KCNJ3: variants seen among roughly 807,000 people sequenced by gnomAD.
The protein encoded by KCNJ3 is potassium inwardly rectifying channel subfamily J member 3.
KCNJ3 carries 4 observed loss-of-function variants against 39.2 expected under a neutral mutation model. That is an observed-to-expected ratio of 0.10 (90% CI 0.05 to 0.23). KCNJ3 has a LOEUF of 0.23. Ranked by LOEUF, KCNJ3 falls within the 10% of genes least tolerant of loss-of-function variation. The pLI, the probability that KCNJ3 is intolerant of heterozygous loss-of-function variation, is 1.00. For missense variants in KCNJ3, 276 were observed against 634.9 expected, an observed-to-expected ratio of 0.43 and a Z score of 6.08; for synonymous variants, 230 against 237.4, an observed-to-expected ratio of 0.97 and a Z score of 0.29.
intron 2 of KCNJ3, among the ~76,000 whole-genome samples, chr2:154,715,901 A>C (rs1031176621): frequency 2.6e-5 from 4 of 152,136 alleles, no homozygotes; most frequent in African/African-American, 9.7e-5. Flanking sequence ...AAGGTTAAAT[A>C]CTATTATAGG....
chr2:154,848,569 T>G (rs1426790009), intron 2 of KCNJ3, among the ~76,000 whole-genome samples: 4 of 152,194 alleles, frequency 2.6e-5, no homozygotes, highest in Non-Finnish European at 5.9e-5. Flanking sequence ...TTTCCCATAC[T>G]TTTTCCACAT....
intron 2 of KCNJ3, among the ~76,000 whole-genome samples, chr2:154,834,855 T>C (rs989720319): frequency 2.7e-5 from 4 of 147,364 alleles, no homozygotes; most frequent in African/African-American, 9.8e-5. Context: ...TACATCATAA[T>C]AACATACTTA....
intron 2 of KCNJ3, among the ~76,000 whole-genome samples, chr2:154,796,022 C>T (rs566535289): frequency 9.2e-5 from 14 of 152,206 alleles, no homozygotes; most frequent in African/African-American, 2.9e-4. Flanking sequence ...TTTCCCCCTA[C>T]TAGATTGCAA....
intron 2 of KCNJ3, among the ~76,000 whole-genome samples, chr2:154,777,033 C>T (rs986927456): frequency 5.3e-5 from 7 of 131,462 alleles, no homozygotes; most frequent in East Asian, 3.9e-4. Context: ...AGTTTTCACA[C>T]GTACACACGC....
At position 154,736,374 on chromosome 2, in the gene KCNJ3, T is replaced by TAAA. The variant is rs70983745; in HGVS notation, c.919+26593_919+26595dup. Among the ~76,000 whole-genome samples, 84 of 93,152 alleles carry TAAA rather than the reference T, an allele frequency of 9.0e-4. 3 individuals are homozygous for TAAA. Among genetic ancestry groups the TAAA allele is most frequent in the Admixed American group, 4.7e-3 (36 of 7,616 alleles). The allele number at this position is 93,152 out of a possible 152,430, so 61.1% of individuals were successfully genotyped here. On this transcript the variant is annotated intron_variant, in intron 2 of 2. Coordinates refer to ENST00000295101, the MANE Select transcript of KCNJ3 (RefSeq NM_002239.4). ...AGAGAGTGACAGGAGTCACTAGTTC[T>TAAA]AAAAAAAAAAAAAAAAAAAAAAAAA...
intron 2 of KCNJ3, among the ~76,000 whole-genome samples, chr2:154,726,935 A>G (rs936705953): frequency 2.6e-5 from 4 of 151,898 alleles, no homozygotes; most frequent in African/African-American, 9.7e-5. Flanking sequence ...ACCAAATATC[A>G]TATGTTTTTA....
intron 2 of KCNJ3, among the ~76,000 whole-genome samples, chr2:154,805,486 G>T (rs544505539): frequency 6.6e-6 from 1 of 152,242 alleles, no homozygotes; most frequent in Non-Finnish European, 1.5e-5. Flanking sequence ...GAATGGTAGT[G>T]CAGGGATAAT....
At position 154,699,524 on chromosome 2, in the gene KCNJ3, A is replaced by G. The variant is rs1373527874; in HGVS notation, c.702+47A>G. On this transcript the variant is annotated intron_variant, in intron 1 of 2. Coordinates refer to ENST00000295101, the MANE Select transcript of KCNJ3 (RefSeq NM_002239.4). The surrounding 1 kb of genome is among the most constrained non-coding windows in gnomAD (Gnocchi z 6.4). ...CCCACCGGGAGACCTGCGTCCCCCA[A>G]ACCCGCGGAGTAACTCGTCTGAGAA... The G allele has an allele frequency of 6.6e-6, 10 of 1,510,078 alleles. No homozygotes were observed. The East Asian group carries it at 2.2e-4, about 33-fold the overall frequency. The allele number at this position is 1,510,078 out of a possible 1,614,324, so 93.5% of individuals were successfully genotyped here.
Position 154,699,373 on chromosome 2 carries a change from G to T in KCNJ3, c.598G>T (p.Ala200Ser), listed in dbSNP as rs1271262788. ...RAETLMFSEH[A>S]VISMRDGKLT... ...CGAGACCCTCATGTTCAGCGAGCAC[G>T]CGGTGATCTCCATGAGGGACGGAAA... is the stretch of plus-strand genomic sequence containing the variant. The change falls in exon 1 of 3, where the codon GCG becomes TCG. Residue 200 changes from alanine (A) to serine (S), a missense_variant. By Grantham distance (99) the Ala-to-Ser change is moderately conservative. Around this residue, in one of 4 missense-constraint regions of KCNJ3, gnomAD observed 77 missense variants for 200.0 expected, o/e 0.38. Transcript: ENST00000295101. The surrounding 1 kb of genome is among the most constrained non-coding windows in gnomAD (Gnocchi z 6.4). The T allele has an allele frequency of 1.2e-6, 2 of 1,611,590 alleles. No homozygotes were observed. The highest frequency in any genetic ancestry group is 1.7e-6 in the Non-Finnish European group (2 of 1,180,024).
intron 2 of KCNJ3, among the ~76,000 whole-genome samples, chr2:154,801,478 C>G (rs377732957): frequency 2.3e-5 from 3 of 127,668 alleles, no homozygotes; most frequent in African/African-American, 8.0e-5. Context: ...TCCTCCCTCC[C>G]TCCTTTCTTT....
chr2:154,759,622 C>T (rs926449923), intron 2 of KCNJ3, among the ~76,000 whole-genome samples: 5 of 151,896 alleles, frequency 3.3e-5, no homozygotes, highest in South Asian at 2.1e-4. Flanking sequence ...ATCACTAAGA[C>T]CAAAGCACCT....
intron 2 of KCNJ3, among the ~76,000 whole-genome samples, chr2:154,819,676 G>A: frequency 6.6e-6 from 1 of 151,700 alleles, no homozygotes; most frequent in Non-Finnish European, 1.5e-5. Context: ...GACTACAGGT[G>A]TGCACCACCA....
intron 2 of KCNJ3, among the ~76,000 whole-genome samples, chr2:154,781,315 AAATT>A (rs1686434170): frequency 1.3e-5 from 2 of 152,198 alleles, no homozygotes; most frequent in African/African-American, 4.8e-5. Context: ...TCACAACAAG[AAATT>A]AATTCACTCT....
intron 2 of KCNJ3, among the ~76,000 whole-genome samples, chr2:154,851,637 T>C (rs1687757251): frequency 6.6e-6 from 1 of 152,220 alleles, no homozygotes; most frequent in Non-Finnish European, 1.5e-5. Flanking sequence ...GTTGCCTCAC[T>C]TATGTGAATT....
intron 2 of KCNJ3, among the ~76,000 whole-genome samples, chr2:154,774,660 A>C (rs1686301454): frequency 6.6e-6 from 1 of 152,168 alleles, no homozygotes; most frequent in East Asian, 1.9e-4. Flanking sequence ...GGAACACTCT[A>C]TTCTGTAATA....
At position 154,802,490 on chromosome 2, in the gene KCNJ3, C is replaced by T. The variant is rs571220553; in HGVS notation, c.920-52237C>T. ...GTGTTTTTGAATAAATAGCGAGCCA[C>T]GGAGAAAGACTAAAGGAAATCTGGG... On this transcript the variant is annotated intron_variant, in intron 2 of 2. Transcript: ENST00000295101. 4.6e-5 allele frequency among the ~76,000 whole-genome samples: 7 copies of T among 152,074 alleles called. No homozygotes were observed. The East Asian group carries it at 7.7e-4, about 17-fold the overall frequency.
chr2:154,830,583 T>G (rs1687346076), intron 2 of KCNJ3, among the ~76,000 whole-genome samples: 1 of 152,126 alleles, frequency 6.6e-6, no homozygotes, highest in African/African-American at 2.4e-5. Flanking sequence ...TGTCAGCAGA[T>G]CAGGAGTAAA....
At chr2:154,845,558 C>T (rs1013754306) in intron 2 of KCNJ3, among the ~76,000 whole-genome samples, 18 of 152,146 alleles carry the variant, frequency 1.2e-4, no homozygotes, top group African/African-American at 4.3e-4. Context: ...ATTTAGGTAG[C>T]TATTGCTTTC....
chr2:154,749,474 AT>A (rs368376908), intron 2 of KCNJ3, among the ~76,000 whole-genome samples: 1 of 151,958 alleles, frequency 6.6e-6, no homozygotes, highest in South Asian at 2.1e-4. Context: ...TGAGCAAAAG[AT>A]TTTTTTCTTG....
Sources: allele counts gnomAD v4.1 joint callset (sites outside exome capture counted in the v4.1 genomes callset), GRCh38; gene constraint gnomAD v4.1.1; regional missense constraint gnomAD v4.1.1; non-coding constraint Gnocchi (gnomAD v3.1); transcripts MANE v1.5; gene names NCBI Gene and HGNC (gene_info 2026-07-23, HGNC 2026-07-21).